SCHIP1: variants seen among roughly 807,000 people sequenced by gnomAD.
SCHIP1 encodes the protein schwannomin interacting protein 1.
SCHIP1 carries 8 observed loss-of-function variants against 29.7 expected under a neutral mutation model. The ratio of observed to expected loss-of-function variants is 0.27; its 90% confidence interval spans 0.16 to 0.49. The LOEUF is 0.49. Among genes scored for constraint, SCHIP1 ranks in the 20% least tolerant of loss-of-function variants. SCHIP1 has a pLI of 0.99. For synonymous variants in SCHIP1, 76 were observed against 94.9 expected (o/e 0.80, Z 1.16); for missense variants, 193 against 294.6 (o/e 0.66, Z 2.52).
the SCHIP1 span, among the ~76,000 whole-genome samples, chr3:159,371,903 G>T: frequency 6.6e-6 from 1 of 152,096 alleles, no homozygotes; most frequent in Middle Eastern, 3.4e-3. Flanking sequence ...TGAATTAATG[G>T]GTGCAGAACC....
At chr3:159,777,436 A>G in the SCHIP1 span, among the ~76,000 whole-genome samples, 2 of 152,166 alleles carry the variant, frequency 1.3e-5, no homozygotes, top group African/African-American at 4.8e-5. Context: ...AAATAATGAG[A>G]AATAATAACA....
At chr3:159,889,486 A>G (rs1400442361) in intron 5 of SCHIP1, among the ~76,000 whole-genome samples, 2 of 152,182 alleles carry the variant, frequency 1.3e-5, no homozygotes, top group Non-Finnish European at 2.9e-5. Flanking sequence ...TGCTCACTCA[A>G]GGTGATTGGT....
At chr3:159,515,379 C>A in the SCHIP1 span, among the ~76,000 whole-genome samples, 57 of 152,234 alleles carry the variant, frequency 3.7e-4, 1 homozygote, top group South Asian at 6.0e-3. Context: ...AGAAAGGAGT[C>A]ATGTGCTGTA....
chr3:159,395,521 CT>C, the SCHIP1 span, among the ~76,000 whole-genome samples: 1 of 151,362 alleles, frequency 6.6e-6, no homozygotes, highest in Non-Finnish European at 1.5e-5. Flanking sequence ...TATGTTGTGT[CT>C]TTGTTCTCGT....
chr3:159,612,616 G>A, the SCHIP1 span, among the ~76,000 whole-genome samples: 5 of 152,060 alleles, frequency 3.3e-5, no homozygotes, highest in South Asian at 2.1e-4. Context: ...GTGTGGTGGC[G>A]GGCACCTGTA....
the SCHIP1 span, among the ~76,000 whole-genome samples, chr3:159,825,712 C>T: frequency 6.6e-6 from 1 of 152,154 alleles, no homozygotes; most frequent in Admixed American, 6.5e-5. Context: ...GGCCCTTGCT[C>T]TCTCACGGAG....
At chr3:159,612,953 T>C in the SCHIP1 span, among the ~76,000 whole-genome samples, 1 of 152,204 alleles carries the variant, frequency 6.6e-6, no homozygotes, top group Admixed American at 6.5e-5. Context: ...GGTAGATAAG[T>C]ATTAAATTCT....
the SCHIP1 span, among the ~76,000 whole-genome samples, chr3:159,390,568 AC>A: frequency 6.6e-6 from 1 of 152,176 alleles, no homozygotes; most frequent in African/African-American, 2.4e-5. Context: ...ATTTAAAAAA[AC>A]AAAACCAAAC....
At chr3:159,401,208 T>C in the SCHIP1 span, 2 of 948,414 alleles carry the variant, frequency 2.1e-6, no homozygotes, top group African/African-American at 3.5e-5. Flanking sequence ...ACATGCTTTG[T>C]AATAAGTGAA....
the SCHIP1 span, among the ~76,000 whole-genome samples, chr3:159,390,503 C>T: frequency 6.6e-6 from 1 of 151,676 alleles, no homozygotes; most frequent in Non-Finnish European, 1.5e-5. Flanking sequence ...AAAATTTATG[C>T]TAAAAGAGAA....
the SCHIP1 span, among the ~76,000 whole-genome samples, chr3:159,740,498 T>C: frequency 6.6e-6 from 1 of 152,032 alleles, no homozygotes; most frequent in Non-Finnish European, 1.5e-5. Flanking sequence ...TGTCTTCCAG[T>C]TTCTGGATGA....
At chr3:159,856,962 C>G (rs944531753) in intron 1 of SCHIP1, among the ~76,000 whole-genome samples, 4 of 152,300 alleles carry the variant, frequency 2.6e-5, no homozygotes, top group African/African-American at 9.6e-5. Context: ...CATTAACCCT[C>G]ACGTCTTCCT....
the SCHIP1 span, among the ~76,000 whole-genome samples, chr3:159,568,472 A>T: frequency 2.6e-5 from 4 of 152,150 alleles, no homozygotes; most frequent in East Asian, 5.8e-4. Context: ...CTTCACTGAG[A>T]ATTTTTATCA....
chr3:159,648,299 G>T, the SCHIP1 span, among the ~76,000 whole-genome samples: 1 of 152,118 alleles, frequency 6.6e-6, no homozygotes, highest in East Asian at 1.9e-4. Context: ...GCAGGAAATA[G>T]CATCATGATT....
the SCHIP1 span, among the ~76,000 whole-genome samples, chr3:159,736,097 A>G: frequency 1.3e-5 from 2 of 151,940 alleles, no homozygotes; most frequent in African/African-American, 4.9e-5. Context: ...ATGGCCCCAG[A>G]TCTTGTCTAC....
At chr3:159,776,525 A>G in the SCHIP1 span, among the ~76,000 whole-genome samples, 1 of 152,216 alleles carries the variant, frequency 6.6e-6, no homozygotes, top group Non-Finnish European at 1.5e-5. Flanking sequence ...TTGTATAACC[A>G]GTAATCTGTT....
At chr3:159,764,826 C>T in the SCHIP1 span, 5 of 1,588,194 alleles carry the variant, frequency 3.1e-6, no homozygotes, top group African/African-American at 1.4e-5. The surrounding 1 kb of genome is among the most constrained non-coding windows in gnomAD (Gnocchi z 6.1). Flanking sequence ...CGGTGCCCAA[C>T]GGCAACCTCC....
At chr3:159,499,295 A>G in the SCHIP1 span, among the ~76,000 whole-genome samples, 14 of 152,280 alleles carry the variant, frequency 9.2e-5, no homozygotes, top group South Asian at 2.7e-3. Context: ...AGTCACATCT[A>G]TTCTCCCAGC....
intron 5 of SCHIP1, among the ~76,000 whole-genome samples, chr3:159,891,830 C>T (rs1311748339): frequency 1.3e-5 from 2 of 152,208 alleles, no homozygotes; most frequent in Non-Finnish European, 2.9e-5. Context: ...CTTTTTCTAA[C>T]AAGCTGTTCT....
Sources: gnomAD v4.1 joint callset for allele counts (sites outside exome capture counted in the v4.1 genomes callset) on GRCh38, gnomAD v4.1.1 for gene constraint, Gnocchi (gnomAD v3.1) non-coding constraint, MANE v1.5 for transcripts, NCBI Gene and HGNC (gene_info 2026-07-23, HGNC 2026-07-21) for gene names.